VAMP1: variants seen among roughly 807,000 people sequenced by gnomAD.
The protein encoded by VAMP1 is vesicle associated membrane protein 1.
Under a neutral mutation model 19.1 loss-of-function variants are expected in VAMP1, and 16 were observed. The observed-to-expected ratio is 0.84, with a 90% CI of 0.57 to 1.27. VAMP1 has a LOEUF of 1.27. VAMP1 is among the 50% of genes most tolerant of loss of function. The probability of loss-of-function intolerance (pLI) is 0.00; values close to 1 mark genes in which losing one functional copy is unlikely to be tolerated. For synonymous variants in VAMP1, 37 were observed against 50.2 expected, an observed-to-expected ratio of 0.74 and a Z score of 1.11; for missense variants, 109 against 145.4, an observed-to-expected ratio of 0.75 and a Z score of 1.29.
chr12:6,469,205 G>T (rs1249407684), intron 1 of VAMP1, among the ~76,000 whole-genome samples: 5 of 152,208 alleles, frequency 3.3e-5, no homozygotes, highest in Admixed American at 3.3e-4. Context: ...CAAGACTCTT[G>T]TCCTGCCACT....
At position 6,470,665 on chromosome 12, in the gene VAMP1, G is replaced by C; in HGVS notation, c.-134C>G. 1.7e-6 allele frequency: 2 copies of C among 1,187,610 alleles called. No individual in the cohort carries two copies. The highest frequency in any genetic ancestry group is 2.5e-5 in the East Asian group (1 of 39,562). The allele number at this position is 1,187,610 out of a possible 1,614,324, so 73.6% of individuals were successfully genotyped here. A position where few individuals can be genotyped will look rare whatever the true frequency, so the allele number is the denominator to read the frequency against. ...GCCGACTACCCCGCGGTCTAGCTGC[G>C]CTGGAACTTACTGCAGCTGCCGCGC... On this transcript the variant is annotated 5_prime_UTR_variant, in exon 1 of 5. Transcript: ENST00000396308.
chr12:6,468,283 T>C lies in VAMP1; in HGVS notation c.3-1932A>G, dbSNP rs137873125. 3.8e-3 allele frequency among the ~76,000 whole-genome samples: 577 copies of C among 152,332 alleles called. 5 individuals carry two copies. The highest frequency in any genetic ancestry group is 0.013 in the African/African-American group (560 of 41,580). On this transcript the variant is annotated intron_variant, in intron 1 of 4. Coordinates refer to ENST00000396308, the MANE Select transcript of VAMP1 (RefSeq NM_014231.5). ...TCACCCCTTTTTATATTCAAGTTAT[T>C]GGTTATGGTTATTGGTTTATATGCC...
chr12:6,464,528 GA>G, intron 4 of VAMP1, 42 bp from the exon 5 acceptor site: 1 of 1,475,316 alleles, frequency 6.8e-7, no homozygotes, highest in East Asian at 2.5e-5. Flanking sequence ...AAAAGAGAAA[GA>G]GACAGGAGAA....
In VAMP1 at chr12:6,462,549, G is replaced by C. The variant is rs117358859; in HGVS notation, c.*1921C>G. The C allele has an allele frequency of 1.1e-5, 6 of 530,920 alleles. No homozygotes were observed. The Admixed American group carries it at 2.1e-4, about 19-fold the overall frequency. 32.9% of individuals were successfully genotyped at this position (530,920 alleles called of 1,614,324 possible). On this transcript the variant is annotated 3_prime_UTR_variant, in exon 5 of 5. Transcript: ENST00000396308. ...GGGATAGCAGAGACACACAGAAGAG[G>C]GTACAGGGTGGGTGAGAAAGAAAGT...
At position 6,462,922 on chromosome 12, in the gene VAMP1, A is replaced by G. The variant is rs766411461; in HGVS notation, c.*1548T>C. ...GTTTTGAGCAATGAAATGCTGCTGC[A>G]TGGAAAGTGGGCATCCAGACCCTGC... On this transcript the variant is annotated 3_prime_UTR_variant, in exon 5 of 5. Coordinates refer to ENST00000396308, the MANE Select transcript of VAMP1 (RefSeq NM_014231.5). The G allele has an allele frequency of 1.3e-6, 2 of 1,564,418 alleles. No homozygotes were observed. The highest frequency in any genetic ancestry group is 2.4e-5 in the East Asian group (1 of 41,952).
intron 4 of VAMP1, 78 bp downstream of exon 4, chr12:6,464,812 A>C: frequency 6.4e-7 from 1 of 1,561,344 alleles, no homozygotes; most frequent in African/African-American, 1.4e-5. Context: ...CCCACTCCCC[A>C]GGCAGGCAGG....
At chr12:6,470,270 A>G (rs1945737827) in intron 1 of VAMP1, among the ~76,000 whole-genome samples, 1 of 150,186 alleles carries the variant, frequency 6.7e-6, no homozygotes. Context: ...ATGAGGCGCC[A>G]CTCAGACGAG....
Position 6,463,165 on chromosome 12 carries a change from G to C in VAMP1, c.*1305C>G. 7 of 1,443,740 alleles carry C rather than the reference G, an allele frequency of 4.8e-6. No individual in the cohort carries two copies. In the South Asian group the frequency reaches 8.7e-5, roughly 18 times the overall value. The allele number at this position is 1,443,740 out of a possible 1,614,324, so 89.4% of individuals were successfully genotyped here. ...TGTCTATACACACAAACCATGCAAA[G>C]AGGAGGAAGAGAAAGGAGGCAAAGT... On this transcript the variant is annotated 3_prime_UTR_variant, in exon 5 of 5. Coordinates refer to ENST00000396308, the MANE Select transcript of VAMP1 (RefSeq NM_014231.5). The surrounding 1 kb of genome is among the most constrained non-coding windows in gnomAD (Gnocchi z 4.0).
At chr12:6,467,352 C>T (rs530060972) in intron 1 of VAMP1, among the ~76,000 whole-genome samples, 1 of 152,234 alleles carries the variant, frequency 6.6e-6, no homozygotes, top group South Asian at 2.1e-4. Flanking sequence ...ATGGCTTTGA[C>T]AAAAATGCTG....
Position 6,470,640 on chromosome 12 carries a change from G to C in VAMP1, c.-109C>G, listed in dbSNP as rs115547049. The C allele has an allele frequency of 4.1e-4, 594 of 1,463,020 alleles. 2 individuals carry two copies. The African/African-American group carries it at 7.4e-3, about 18-fold the overall frequency. The allele number at this position is 1,463,020 out of a possible 1,614,324, so 90.6% of individuals were successfully genotyped here. On this transcript the variant is annotated 5_prime_UTR_variant, in exon 1 of 5. Transcript: ENST00000396308. ...ACGGAACTGCCAAGCTCCGCCTCGC[G>C]CCGACTACCCCGCGGTCTAGCTGCG...
At position 6,464,399 on chromosome 12, in the gene VAMP1, G is replaced by C. The variant is rs755550229; in HGVS notation, c.*71C>G. ...AGGACGGTGGGTGGGGAAGTGTGTTGAGAGAGCAAACAGAGGGCAGAGGAC... is the reference window on the plus strand; with the variant it reads ...AGGACGGTGGGTGGGGAAGTGTGTTCAGAGAGCAAACAGAGGGCAGAGGAC... On this transcript the variant is annotated 3_prime_UTR_variant, in exon 5 of 5. Coordinates refer to ENST00000396308, the MANE Select transcript of VAMP1 (RefSeq NM_014231.5). The C allele has an allele frequency of 6.4e-7, 1 of 1,555,868 alleles. No individual in the cohort carries two copies. Among genetic ancestry groups the C allele is most frequent in the Admixed American group, 1.9e-5 (1 of 51,462 alleles).
At chr12:6,465,391 T>C (rs1400032752) in intron 3 of VAMP1, 11 of 114,420 alleles carry the variant, frequency 9.6e-5, no homozygotes, top group African/African-American at 2.5e-4. Context: ...TATATGTATA[T>C]ATATATATAA....
rs1402897720 is a variant in VAMP1, at chr12:6,463,819, C to T, written c.*651G>A. On this transcript the variant is annotated 3_prime_UTR_variant, in exon 5 of 5. Coordinates refer to ENST00000396308, the MANE Select transcript of VAMP1 (RefSeq NM_014231.5). The surrounding 1 kb of genome is among the most constrained non-coding windows in gnomAD (Gnocchi z 4.0). ...GCTATTTTCACAATCCCTAAGTGTT[C>T]TCCAGGCCTCTGGAGAACAAAGTAA... 8.2e-7 allele frequency: 1 copy of T among 1,214,432 alleles called. No homozygotes were observed. The highest frequency in any genetic ancestry group is 1.0e-6 in the Non-Finnish European group (1 of 954,644). The allele number at this position is 1,214,432 out of a possible 1,614,324, so 75.2% of individuals were successfully genotyped here. A position where few individuals can be genotyped will look rare whatever the true frequency, so the allele number is the denominator to read the frequency against.
intron 3 of VAMP1, among the ~76,000 whole-genome samples, chr12:6,465,536 G>A (rs190364024): frequency 7.3e-5 from 11 of 151,138 alleles, no homozygotes; most frequent in Non-Finnish European, 1.6e-4. Context: ...GGGTGTGTCT[G>A]AGGATGAGAC....
At position 6,463,004 on chromosome 12, in the gene VAMP1, C is replaced by T. The variant is rs146913351; in HGVS notation, c.*1466G>A. On this transcript the variant is annotated 3_prime_UTR_variant, in exon 5 of 5. Coordinates refer to ENST00000396308, the MANE Select transcript of VAMP1 (RefSeq NM_014231.5). The surrounding 1 kb of genome is among the most constrained non-coding windows in gnomAD (Gnocchi z 4.0). ...GACCGAGGGAAGAAGGAATAAAGGG[C>T]CATGGGCATTCTCCGCTCTGTTCCC... 21 of 1,549,772 alleles carry T rather than the reference C, an allele frequency of 1.4e-5. No individual in the cohort carries two copies. In the African/African-American group the frequency reaches 2.5e-4, roughly 18 times the overall value.
In VAMP1 at chr12:6,462,594, A is replaced by G. The variant is rs946025550; in HGVS notation, c.*1876T>C. The G allele has an allele frequency of 8.5e-6, 5 of 587,442 alleles. No homozygotes were observed. The highest frequency in any genetic ancestry group is 5.6e-5 in the African/African-American group (3 of 53,686). The allele number at this position is 587,442 out of a possible 1,614,324, so 36.4% of individuals were successfully genotyped here. A position where few individuals can be genotyped will look rare whatever the true frequency, so the allele number is the denominator to read the frequency against. On this transcript the variant is annotated 3_prime_UTR_variant, in exon 5 of 5. Coordinates refer to ENST00000396308, the MANE Select transcript of VAMP1 (RefSeq NM_014231.5). ...GAAAGTAGAAGGGCTAATACCCCCA[A>G]AGAACAAGGCCAACTACACCTGGTG...
At chr12:6,465,134 T>G (rs1359964532) in intron 3 of VAMP1, 193 bp from the exon 4 acceptor site, 2 of 743,254 alleles carry the variant, frequency 2.7e-6, no homozygotes, top group Non-Finnish European at 4.2e-6. Flanking sequence ...ACAGTATGTC[T>G]GTAGCTTTTC....
At chr12:6,470,463 C>G (rs1163416098) in intron 1 of VAMP1, 67 bp downstream of exon 1, 2 of 1,609,968 alleles carry the variant, frequency 1.2e-6, no homozygotes, top group African/African-American at 2.7e-5. Flanking sequence ...TTCCGTCCCG[C>G]AGAATCGGGA....
chr12:6,465,720 G>C, intron 3 of VAMP1, 122 bp downstream of exon 3: 1 of 1,343,514 alleles, frequency 7.4e-7, no homozygotes, highest in Non-Finnish European at 1.0e-6. Context: ...TTCCTCCCAA[G>C]CGTTATGCTG....
Sources: gnomAD v4.1 joint callset for allele counts (sites outside exome capture counted in the v4.1 genomes callset) on GRCh38, gnomAD v4.1.1 for gene constraint, Gnocchi (gnomAD v3.1) non-coding constraint, MANE v1.5 for transcripts, NCBI Gene and HGNC (gene_info 2026-07-23, HGNC 2026-07-21) for gene names.